OR2L13: variants seen among roughly 807,000 people sequenced by gnomAD.
The protein encoded by OR2L13 is olfactory receptor family 2 subfamily L member 13.
A neutral mutation model predicts 15.3 loss-of-function variants in OR2L13; 14 were observed. The observed-to-expected ratio is 0.91, with a 90% CI of 0.60 to 1.43. The LOEUF is 1.43. Ranked by LOEUF, OR2L13 falls within the 40% of genes most tolerant of loss-of-function variation. The probability of loss-of-function intolerance (pLI) is 0.00; values close to 1 mark genes in which losing one functional copy is unlikely to be tolerated. For synonymous variants in OR2L13, 152 were observed against 142.9 expected, an observed-to-expected ratio of 1.06 and a Z score of -0.45; for missense variants, 367 against 387.9, an observed-to-expected ratio of 0.95 and a Z score of 0.45.
chr1:248,060,620 A>T, the OR2L13 span: 3 of 1,361,304 alleles, frequency 2.2e-6, no homozygotes, highest in Non-Finnish European at 3.1e-6. Context: ...GCAGATAAAG[A>T]CGAATTTCTG....
the OR2L13 span, among the ~76,000 whole-genome samples, chr1:248,079,913 A>G: frequency 6.6e-6 from 1 of 152,214 alleles, no homozygotes; most frequent in Admixed American, 6.5e-5. Context: ...AAACAGCTCC[A>G]CTATGAATAA....
At chr1:248,040,499 C>T in the OR2L13 span, 1 of 152,334 alleles carries the variant, frequency 6.6e-6, no homozygotes, top group Non-Finnish European at 1.5e-5. Context: ...CAAGTACAAC[C>T]TCTCCTCCTC....
At chr1:247,954,196 C>T in the OR2L13 span, among the ~76,000 whole-genome samples, 812 of 152,244 alleles carry the variant, frequency 5.3e-3, 7 homozygotes, top group African/African-American at 0.019. Context: ...TAATAAGTAG[C>T]TTCCTTTTGT....
At chr1:247,940,983 G>A in the OR2L13 span, among the ~76,000 whole-genome samples, 1 of 151,890 alleles carries the variant, frequency 6.6e-6, no homozygotes, top group Non-Finnish European at 1.5e-5. Context: ...GTTTTGATTT[G>A]CATTTCTGTG....
the OR2L13 span, among the ~76,000 whole-genome samples, chr1:247,979,236 A>T: frequency 6.6e-6 from 1 of 152,098 alleles, no homozygotes; most frequent in African/African-American, 2.4e-5. Flanking sequence ...ACATGTATAC[A>T]TGTGCCATGT....
chr1:248,010,763 G>GTTTTTTTTTTTTTTTTTTTTTTTTTTT, the OR2L13 span, among the ~76,000 whole-genome samples: 2 of 44,462 alleles, frequency 4.5e-5, 1 homozygote, highest in African/African-American at 2.0e-4. Context: ...CTTTGTTGTT[G>GTTTTTTTTTTTTTTTTTTTTTTTTTTT]TTTTTTTTTT....
chr1:248,022,889 A>G, the OR2L13 span: 1 of 1,598,970 alleles, frequency 6.3e-7, no homozygotes, highest in South Asian at 1.1e-5. Flanking sequence ...AAATGTAGAC[A>G]TACGTTCTGT....
the OR2L13 span, among the ~76,000 whole-genome samples, chr1:247,995,752 A>G: frequency 6.6e-6 from 1 of 152,074 alleles, no homozygotes; most frequent in Admixed American, 6.6e-5. Flanking sequence ...TTGAGACATC[A>G]TGTCCTTCTG....
the OR2L13 span, among the ~76,000 whole-genome samples, chr1:248,025,449 A>G: frequency 6.7e-6 from 1 of 149,312 alleles, no homozygotes; most frequent in Non-Finnish European, 1.5e-5. Context: ...TCAGAAAACA[A>G]CAAGTGCTGG....
the OR2L13 span, among the ~76,000 whole-genome samples, chr1:248,025,842 C>T: frequency 2.3e-3 from 343 of 151,432 alleles, 3 homozygotes; most frequent in Non-Finnish European, 7.4e-4. Flanking sequence ...AGTAAACTAT[C>T]GCAAGAACAA....
chr1:247,991,087 G>A, the OR2L13 span: 1 of 1,593,990 alleles, frequency 6.3e-7, no homozygotes, highest in Non-Finnish European at 8.6e-7. Context: ...CAAGGTTCTG[G>A]CTGTCTTCTA....
At chr1:248,021,790 T>G in the OR2L13 span, 6 of 538,020 alleles carry the variant, frequency 1.1e-5, no homozygotes, top group East Asian at 1.2e-4. Context: ...ATAATACATA[T>G]TGATGGATAT....
At chr1:247,943,261 C>A in the OR2L13 span, among the ~76,000 whole-genome samples, 5 of 152,016 alleles carry the variant, frequency 3.3e-5, no homozygotes, top group Non-Finnish European at 5.9e-5. Flanking sequence ...ATAGTAGACA[C>A]TGGGGACTCC....
chr1:248,025,805 T>C, the OR2L13 span, among the ~76,000 whole-genome samples: 593 of 151,958 alleles, frequency 3.9e-3, 9 homozygotes, highest in East Asian at 0.014. Context: ...TGTAGGGACA[T>C]GGGTGAAATT....
the OR2L13 span, among the ~76,000 whole-genome samples, chr1:248,082,629 C>T: frequency 6.6e-6 from 1 of 152,168 alleles, no homozygotes; most frequent in African/African-American, 2.4e-5. Flanking sequence ...ATAACCACAG[C>T]TTTCTGCCAT....
At chr1:247,989,684 A>G in the OR2L13 span, among the ~76,000 whole-genome samples, 1 of 152,190 alleles carries the variant, frequency 6.6e-6, no homozygotes, top group Non-Finnish European at 1.5e-5. Flanking sequence ...TTCATAGTCT[A>G]ACTAAACTAA....
At chr1:248,036,281 A>G in the OR2L13 span, among the ~76,000 whole-genome samples, 5 of 151,564 alleles carry the variant, frequency 3.3e-5, no homozygotes, top group Non-Finnish European at 7.4e-5. Flanking sequence ...TCACTTTCGT[A>G]TTTTGAAACT....
At chr1:248,088,288 C>T in the OR2L13 span, among the ~76,000 whole-genome samples, 478 of 151,998 alleles carry the variant, frequency 3.1e-3, 3 homozygotes, top group African/African-American at 0.011. Flanking sequence ...AGGTGAATTT[C>T]GACTATTTTG....
the OR2L13 span, among the ~76,000 whole-genome samples, chr1:248,055,387 T>C: frequency 1.3e-5 from 2 of 152,178 alleles, no homozygotes; most frequent in African/African-American, 4.8e-5. Flanking sequence ...TCAGGGATAT[T>C]GGCACAAAGT....
Sources: gnomAD v4.1 joint callset for allele counts (sites outside exome capture counted in the v4.1 genomes callset) on GRCh38, gnomAD v4.1.1 for gene constraint, MANE v1.5 for transcripts, NCBI Gene and HGNC (gene_info 2026-07-23, HGNC 2026-07-21) for gene names.